The following ST14 variants were observed in gnomAD, a reference collection of about 807,000 sequenced individuals.
The protein encoded by ST14 is suppressor of tumorigenicity 14 protein.
ST14 carries 40 observed loss-of-function variants against 96.5 expected under a neutral mutation model. That is an observed-to-expected ratio of 0.41 (90% CI 0.32 to 0.54). ST14 has a LOEUF of 0.54. ST14 is among the 20% of genes least tolerant of loss of function. The pLI, the probability that ST14 is intolerant of heterozygous loss-of-function variation, is 0.17. For synonymous variants in ST14, 506 were observed against 492.1 expected (o/e 1.03, Z -0.37); for missense variants, 1,066 against 1,188.9 (o/e 0.90, Z 1.52).
At chr11:130,171,838 C>T (rs1353980962) in intron 1 of ST14, among the ~76,000 whole-genome samples, 1 of 152,204 alleles carries the variant, frequency 6.6e-6, no homozygotes, top group Admixed American at 6.5e-5. Context: ...ATAGATTAAA[C>T]ATCCCACATC....
Position 130,194,240 on chromosome 11 carries a change from C to T in ST14, c.967C>T (p.Arg323Trp), listed in dbSNP as rs778238217. ...CACACTGATAACCAACACTGAGCGGCGGCATCCCGGCTTTGAGGCCACCTT... is the reference window on the plus strand; with the variant it reads ...CACACTGATAACCAACACTGAGCGGTGGCATCCCGGCTTTGAGGCCACCTT... The part of the protein sequence containing the change: ...LITLITNTER[R>W]HPGFEATFFQ... The change falls in exon 8 of 19, where the codon CGG becomes TGG. Residue 323 changes from arginine to tryptophan, a missense_variant. Physicochemically the swap from Arg to Trp is moderately radical, Grantham distance 101 (BLOSUM62 -3). Transcript: ENST00000278742. 3.1e-6 allele frequency: 5 copies of T among 1,614,226 alleles called. No homozygotes were observed. The highest frequency in any genetic ancestry group is 3.4e-6 in the Non-Finnish European group (4 of 1,180,044).
chr11:130,162,344 C>A (rs1320004581), intron 1 of ST14, among the ~76,000 whole-genome samples: 2 of 152,178 alleles, frequency 1.3e-5, no homozygotes, highest in Non-Finnish European at 2.9e-5. Flanking sequence ...CTTCTTATGG[C>A]CATTAATGAG....
At chr11:130,163,424 GT>G (rs1297345002) in intron 1 of ST14, among the ~76,000 whole-genome samples, 5 of 152,050 alleles carry the variant, frequency 3.3e-5, no homozygotes, top group Non-Finnish European at 7.4e-5. Flanking sequence ...ATTTTGTTTT[GT>G]TTTTTAGACA....
Position 130,209,557 on chromosome 11 carries a change from C to T in ST14, c.2385C>T (p.Ser795=), listed in dbSNP as rs777729589. 3 of 1,574,138 alleles carry T rather than the reference C, an allele frequency of 1.9e-6. No homozygotes were observed. Among genetic ancestry groups the T allele is most frequent in the South Asian group, 1.1e-5 (1 of 87,256 alleles). Residue 795 remains serine, a synonymous_variant, in exon 18 of 19, where the codon AGC becomes AGT. Coordinates refer to ENST00000278742, the MANE Select transcript of ST14 (RefSeq NM_021978.4). ...TPRMMCVGFL[S]GGVDSCQGDS... ...GCATGATGTGCGTGGGCTTCCTCAG[C>T]GGCGGCGTGGACTCCTGCCAGGTGG...
intron 16 of ST14, among the ~76,000 whole-genome samples, chr11:130,205,023 C>T (rs1953471797): frequency 6.6e-6 from 1 of 152,058 alleles, no homozygotes; most frequent in East Asian, 1.9e-4. Context: ...TCTTGTCACG[C>T]ACATTTTCTA....
chr11:130,207,414 G>A (rs1313474932), intron 16 of ST14, among the ~76,000 whole-genome samples: 1 of 152,232 alleles, frequency 6.6e-6, no homozygotes, highest in Non-Finnish European at 1.5e-5. Flanking sequence ...AGCCAGGCGT[G>A]GCTGCACATG....
chr11:130,200,505 GA>G (rs2136218292), intron 16 of ST14, among the ~76,000 whole-genome samples: 1 of 152,184 alleles, frequency 6.6e-6, no homozygotes, highest in East Asian at 1.9e-4. Context: ...TGTGAACTCA[GA>G]ACTCACCCAT....
chr11:130,206,329 G>T (rs977472982), intron 16 of ST14, among the ~76,000 whole-genome samples: 5 of 152,138 alleles, frequency 3.3e-5, no homozygotes, highest in Non-Finnish European at 7.3e-5. Context: ...CGCCCAACAG[G>T]TTTCGCCATC....
chr11:130,171,874 A>G (rs890036457), intron 1 of ST14, among the ~76,000 whole-genome samples: 3 of 152,224 alleles, frequency 2.0e-5, no homozygotes, highest in African/African-American at 7.2e-5. Flanking sequence ...ATCAAGAGAA[A>G]GGGGTTAGGA....
At chr11:130,194,541 C>G in intron 8 of ST14, 99 bp from the exon 9 acceptor site, 6 of 1,316,772 alleles carry the variant, frequency 4.6e-6, no homozygotes, top group Non-Finnish European at 6.5e-6. Context: ...ATCCACGCGT[C>G]CAGGAGGCAG....
chr11:130,205,442 CTT>C (rs1223725745), intron 16 of ST14, among the ~76,000 whole-genome samples: 3 of 152,116 alleles, frequency 2.0e-5, no homozygotes, highest in Non-Finnish European at 2.9e-5. Flanking sequence ...AGTGAACACT[CTT>C]ATACCTTTGA....
At chr11:130,165,098 C>T (rs1953031004) in intron 1 of ST14, among the ~76,000 whole-genome samples, 1 of 152,174 alleles carries the variant, frequency 6.6e-6, no homozygotes, top group Non-Finnish European at 1.5e-5. Context: ...GGCTAAGTAA[C>T]TTGCCTGAGG....
In ST14 at chr11:130,181,563, C is replaced by G. The variant is rs550748759; in HGVS notation, c.82-6551C>G. 6.6e-6 allele frequency among the ~76,000 whole-genome samples: 1 copy of G among 152,198 alleles called. No individual in the cohort carries two copies. Among genetic ancestry groups the G allele is most frequent in the African/African-American group, 2.4e-5 (1 of 41,448 alleles). On this transcript the variant is annotated intron_variant, in intron 1 of 18. Coordinates refer to ENST00000278742, the MANE Select transcript of ST14 (RefSeq NM_021978.4). The surrounding 1 kb of genome is among the most constrained non-coding windows in gnomAD (Gnocchi z 4.1). ...GGCGCAGGCATAGGATCTCTCCTGTCGGCTGTGGCCCAGTAGAGAGGTGTT... is the reference window on the plus strand; with the variant it reads ...GGCGCAGGCATAGGATCTCTCCTGTGGGCTGTGGCCCAGTAGAGAGGTGTT...
In ST14 at chr11:130,160,028, G is replaced by A; in HGVS notation, c.49G>A (p.Gly17Ser). ...RKGGGGPKDF[G>S]AGLKYNSRHE... is the part of the protein sequence containing the mutation. ...GGGCGGAGGGGGCCCGAAGGACTTC[G>A]GCGCGGGACTCAAGTACAACTCCCG... The change falls in exon 1 of 19, where the codon GGC becomes AGC. Residue 17 changes from glycine to serine, a missense_variant. Physicochemically the swap from Gly to Ser is moderately conservative, Grantham distance 56 (BLOSUM62 0). Transcript: ENST00000278742. 1 of 1,432,198 alleles carries A rather than the reference G, an allele frequency of 7.0e-7. No individual in the cohort carries two copies. The highest frequency in any genetic ancestry group is 9.2e-7 in the Non-Finnish European group (1 of 1,084,682). The allele number at this position is 1,432,198 out of a possible 1,614,324, so 88.7% of individuals were successfully genotyped here.
intron 10 of ST14, 46 bp from the exon 11 acceptor site, chr11:130,196,524 G>T (rs757397340): frequency 6.7e-7 from 1 of 1,487,750 alleles, no homozygotes; most frequent in Non-Finnish European, 9.3e-7. Context: ...CCAGCCCCCC[G>T]GCTCCCAGCT....
chr11:130,159,997 C>T lies in ST14; in HGVS notation c.18C>T (p.Ala6=). The T allele has an allele frequency of 3.5e-6, 5 of 1,411,500 alleles. No homozygotes were observed. The highest frequency in any genetic ancestry group is 4.7e-6 in the Non-Finnish European group (5 of 1,073,226). The allele number at this position is 1,411,500 out of a possible 1,614,324, so 87.4% of individuals were successfully genotyped here. A position where few individuals can be genotyped will look rare whatever the true frequency, so the allele number is the denominator to read the frequency against. Reference sequence around the variant, plus strand: ...CGGGGACCATGGGGAGCGATCGGGCCCGCAAGGGCGGAGGGGGCCCGAAGG... The same window carrying T: ...CGGGGACCATGGGGAGCGATCGGGCTCGCAAGGGCGGAGGGGGCCCGAAGG... MGSDR[A]RKGGGGPKDF... Residue 6 remains alanine (A), a synonymous_variant, in exon 1 of 19, where the codon GCC becomes GCT. Transcript: ENST00000278742.
intron 1 of ST14, among the ~76,000 whole-genome samples, chr11:130,186,688 A>G (rs1953240831): frequency 6.6e-6 from 1 of 152,236 alleles, no homozygotes; most frequent in Non-Finnish European, 1.5e-5. Context: ...GAGTATGGAT[A>G]TAATTTTTTT....
chr11:130,166,940 G>T (rs571215073), intron 1 of ST14, among the ~76,000 whole-genome samples: 17 of 152,366 alleles, frequency 1.1e-4, no homozygotes, highest in Non-Finnish European at 2.4e-4. Context: ...GCCGGGTGCG[G>T]TGGTTCATGC....
chr11:130,182,996 G>T (rs1463164718), intron 1 of ST14, among the ~76,000 whole-genome samples: 3 of 148,702 alleles, frequency 2.0e-5, no homozygotes, highest in Non-Finnish European at 3.0e-5. Context: ...CGCTCTTGTT[G>T]CCCAGGCTGG....
Sources: allele counts gnomAD v4.1 joint callset (sites outside exome capture counted in the v4.1 genomes callset), GRCh38; gene constraint gnomAD v4.1.1; non-coding constraint Gnocchi (gnomAD v3.1); transcripts MANE v1.5; gene names NCBI Gene and HGNC (gene_info 2026-07-23, HGNC 2026-07-21).